Variants in KDM4C observed in about 807,000 individuals in gnomAD.
KDM4C encodes lysine-specific demethylase 4C.
In KDM4C, 81 loss-of-function variants were observed where a neutral mutation model predicts 129.3. That is an observed-to-expected ratio of 0.63 (90% confidence interval 0.52 to 0.75). KDM4C has a LOEUF of 0.75. Ranked by LOEUF, KDM4C falls within the 30% of genes least tolerant of loss-of-function variation. The pLI is 0.00. For missense variants in KDM4C, 1,457 were observed against 1,304.0 expected (o/e 1.12, Z -1.81); for synonymous variants, 573 against 456.1 (o/e 1.26, Z -3.26).
intron 19 of KDM4C, among the ~76,000 whole-genome samples, chr9:7,153,118 T>C (rs1187479704): frequency 6.6e-6 from 1 of 152,228 alleles, no homozygotes; most frequent in Non-Finnish European, 1.5e-5. Context: ...TTTTTTGTTT[T>C]ATAGAGATGG....
intron 1 of KDM4C, among the ~76,000 whole-genome samples, chr9:6,731,261 A>C (rs1170895285): frequency 3.3e-5 from 5 of 150,158 alleles, no homozygotes; most frequent in African/African-American, 1.2e-4. Context: ...AGGATCTATG[A>C]GTTTCCTTAA....
chr9:6,976,985 A>G (rs1423183380), intron 8 of KDM4C, among the ~76,000 whole-genome samples: 1 of 152,056 alleles, frequency 6.6e-6, no homozygotes, highest in Non-Finnish European at 1.5e-5. Context: ...ATTTGGGCTT[A>G]TTTGTTTTGA....
intron 1 of KDM4C, among the ~76,000 whole-genome samples, chr9:6,762,952 A>T (rs2130471929): frequency 6.7e-6 from 1 of 150,360 alleles, no homozygotes; most frequent in South Asian, 2.1e-4. Flanking sequence ...GAGCCACCAC[A>T]CCCGGCCAGG....
At chr9:7,044,091 A>G (rs1829019604) in intron 15 of KDM4C, among the ~76,000 whole-genome samples, 1 of 152,066 alleles carries the variant, frequency 6.6e-6, no homozygotes, top group Non-Finnish European at 1.5e-5. Flanking sequence ...CATGCAACAA[A>G]TAGTTGCAAG....
At chr9:7,020,179 A>G (rs1023412774) in intron 15 of KDM4C, among the ~76,000 whole-genome samples, 14 of 152,334 alleles carry the variant, frequency 9.2e-5, no homozygotes, top group Admixed American at 1.3e-4. Flanking sequence ...CATATGCTTG[A>G]GGAGAGATTA....
At chr9:7,151,986 G>A (rs1842775423) in intron 19 of KDM4C, among the ~76,000 whole-genome samples, 1 of 152,202 alleles carries the variant, frequency 6.6e-6, no homozygotes, top group South Asian at 2.1e-4. Flanking sequence ...TAACCTCCTA[G>A]AACAGCAGTT....
chr9:7,069,141 C>A (rs747188170), intron 17 of KDM4C, among the ~76,000 whole-genome samples: 4 of 152,092 alleles, frequency 2.6e-5, no homozygotes, highest in Non-Finnish European at 5.9e-5. Context: ...TCCACCAGGG[C>A]CTGGCTGTAT....
intron 12 of KDM4C, among the ~76,000 whole-genome samples, chr9:6,999,021 T>G (rs1228184228): frequency 2.0e-5 from 3 of 152,188 alleles, no homozygotes; most frequent in African/African-American, 7.2e-5. Context: ...TGCTGGTACT[T>G]TTACTACACA....
At chr9:7,053,385 C>G (rs1037559411) in intron 17 of KDM4C, among the ~76,000 whole-genome samples, 1 of 152,054 alleles carries the variant, frequency 6.6e-6, no homozygotes, top group Non-Finnish European at 1.5e-5. Context: ...ATTTTTTCCT[C>G]TTATGTATAA....
At chr9:7,074,230 C>G (rs537734047) in intron 17 of KDM4C, among the ~76,000 whole-genome samples, 2 of 152,122 alleles carry the variant, frequency 1.3e-5, no homozygotes, top group Non-Finnish European at 2.9e-5. Flanking sequence ...GTGGCGCGAT[C>G]TCAGCTCACT....
intron 19 of KDM4C, among the ~76,000 whole-genome samples, chr9:7,144,234 G>C (rs1297770371): frequency 6.6e-6 from 1 of 151,908 alleles, no homozygotes; most frequent in Non-Finnish European, 1.5e-5. Flanking sequence ...GGGAGGCCAA[G>C]GTGAGAGAGA....
intron 8 of KDM4C, among the ~76,000 whole-genome samples, chr9:6,917,296 C>G (rs966600423): frequency 4.6e-5 from 7 of 152,198 alleles, no homozygotes; most frequent in African/African-American, 1.7e-4. Flanking sequence ...CTCTCAAGCT[C>G]TTTTTCTCCA....
Position 6,725,346 on chromosome 9 carries a change from C to T in KDM4C, c.49+4349C>T, listed in dbSNP as rs114447462. 9.4e-3 allele frequency among the ~76,000 whole-genome samples: 1,424 copies of T among 150,706 alleles called. 21 individuals are homozygous for T. The highest frequency in any genetic ancestry group is 0.033 in the African/African-American group (1,354 of 41,038). Reference sequence around the variant, plus strand: ...CTAGTGTGTGTGTGTGTGTCTTTCTCTGTTTCCACTCGAGTATCAGAGACT... The same window carrying T: ...CTAGTGTGTGTGTGTGTGTCTTTCTTTGTTTCCACTCGAGTATCAGAGACT... On this transcript the variant is annotated intron_variant, in intron 1 of 17. Coordinates refer to the KDM4C transcript ENST00000536108.
intron 1 of KDM4C, among the ~76,000 whole-genome samples, chr9:6,770,049 C>T (rs919839468): frequency 1.3e-5 from 2 of 152,044 alleles, no homozygotes; most frequent in African/African-American, 2.4e-5. Flanking sequence ...CATGGTGGGG[C>T]ATGCCTGTAA....
At chr9:6,827,859 C>T (rs1278426286) in intron 4 of KDM4C, among the ~76,000 whole-genome samples, 1 of 152,202 alleles carries the variant, frequency 6.6e-6, no homozygotes, top group Non-Finnish European at 1.5e-5. Flanking sequence ...TATCTGCTAG[C>T]ATGTTATGGC....
At chr9:6,963,819 A>T (rs1830433820) in intron 8 of KDM4C, among the ~76,000 whole-genome samples, 1 of 152,098 alleles carries the variant, frequency 6.6e-6, no homozygotes, top group African/African-American at 2.4e-5. Flanking sequence ...TTTCTACTTG[A>T]TGGTGTTTCC....
intron 8 of KDM4C, among the ~76,000 whole-genome samples, chr9:6,970,794 C>T (rs1589386359): frequency 9.6e-6 from 1 of 104,688 alleles, no homozygotes; most frequent in African/African-American, 3.6e-5. Context: ...AGTATTCCCA[C>T]CCCCCGCCCC....
chr9:7,071,119 A>G (rs76143163), intron 17 of KDM4C, among the ~76,000 whole-genome samples: 2 of 152,308 alleles, frequency 1.3e-5, no homozygotes, highest in East Asian at 3.9e-4. Context: ...TATATGCAAA[A>G]TCTGTATGTT....
At chr9:7,120,445 T>C (rs1839371933) in intron 18 of KDM4C, among the ~76,000 whole-genome samples, 1 of 152,182 alleles carries the variant, frequency 6.6e-6, no homozygotes, top group African/African-American at 2.4e-5. Context: ...GAGAAAACTC[T>C]TCTACATTTG....
Sources: allele counts gnomAD v4.1 joint callset (sites outside exome capture counted in the v4.1 genomes callset), GRCh38; gene constraint gnomAD v4.1.1; transcripts MANE v1.5; gene names NCBI Gene and HGNC (gene_info 2026-07-23, HGNC 2026-07-21).